The following GRIN2B variants were observed in gnomAD, a reference collection of about 807,000 sequenced individuals.
GRIN2B encodes the protein glutamate receptor ionotropic, NMDA 2B.
A neutral mutation model predicts 114.5 loss-of-function variants in GRIN2B; 5 were observed. The ratio of observed to expected loss-of-function variants is 0.04; its 90% CI spans 0.02 to 0.09. The LOEUF is 0.09. GRIN2B is among the 10% of genes least tolerant of loss of function. The probability of loss-of-function intolerance (pLI) is 1.00; values close to 1 mark genes in which losing one functional copy is unlikely to be tolerated. For missense variants in GRIN2B, 1,108 were observed against 1,943.5 expected (o/e 0.57, Z 8.08); for synonymous variants, 787 against 745.1 (o/e 1.06, Z -0.92).
At chr12:13,627,869 T>C (rs1347994438) in intron 5 of GRIN2B, among the ~76,000 whole-genome samples, 3 of 152,234 alleles carry the variant, frequency 2.0e-5, no homozygotes, top group African/African-American at 7.2e-5. Flanking sequence ...GTCATTTGCA[T>C]GCCTTCCGTC....
intron 3 of GRIN2B, among the ~76,000 whole-genome samples, chr12:13,786,021 T>A (rs761704508): frequency 2.5e-4 from 38 of 152,186 alleles, no homozygotes; most frequent in Non-Finnish European, 4.7e-4. Flanking sequence ...CAGTACTACA[T>A]CATGAATCAA....
intron 2 of GRIN2B, among the ~76,000 whole-genome samples, chr12:13,934,320 G>C (rs537314910): frequency 6.6e-6 from 1 of 152,148 alleles, no homozygotes; most frequent in Admixed American, 6.5e-5. Flanking sequence ...GCATGCCATT[G>C]ACTCTTGTCC....
chr12:13,788,002 A>C (rs1208678219), intron 3 of GRIN2B, among the ~76,000 whole-genome samples: 2 of 152,222 alleles, frequency 1.3e-5, no homozygotes, highest in African/African-American at 4.8e-5. Flanking sequence ...TCTGGGGCAT[A>C]AGCCAATGGA....
intron 4 of GRIN2B, among the ~76,000 whole-genome samples, chr12:13,725,086 T>C (rs1862957546): frequency 1.3e-5 from 2 of 152,140 alleles, no homozygotes; most frequent in Admixed American, 6.6e-5. Context: ...TTGTGCTCTG[T>C]GCCTACCAAA....
intron 5 of GRIN2B, among the ~76,000 whole-genome samples, chr12:13,618,503 C>T (rs377085379): frequency 1.3e-5 from 2 of 152,088 alleles, no homozygotes; most frequent in Non-Finnish European, 2.9e-5. Context: ...TATAGCCCAG[C>T]GGCCCATTCT....
At chr12:13,576,817 T>C (rs1481637256) in intron 10 of GRIN2B, among the ~76,000 whole-genome samples, 6 of 152,162 alleles carry the variant, frequency 3.9e-5, no homozygotes, top group Non-Finnish European at 8.8e-5. Context: ...CCTCCCAAGG[T>C]GCTAGGGTTA....
At chr12:13,741,489 GA>G (rs1267793293) in intron 4 of GRIN2B, among the ~76,000 whole-genome samples, 4 of 152,214 alleles carry the variant, frequency 2.6e-5, no homozygotes, top group Non-Finnish European at 5.9e-5. Context: ...ATTTGAGTTT[GA>G]AACACAAAGT....
intron 2 of GRIN2B, among the ~76,000 whole-genome samples, chr12:13,898,025 T>TAAAA (rs1187166388): frequency 1.1e-3 from 158 of 148,916 alleles, no homozygotes; most frequent in Middle Eastern, 3.5e-3. Flanking sequence ...AATAAATAAA[T>TAAAA]AAAAAAGAAA....
At chr12:13,891,684 G>T (rs946392059) in intron 2 of GRIN2B, among the ~76,000 whole-genome samples, 1 of 152,080 alleles carries the variant, frequency 6.6e-6, no homozygotes, top group Non-Finnish European at 1.5e-5. Flanking sequence ...CTGGCAAAAG[G>T]TGTCAGACTG....
chr12:13,946,368 T>A (rs1007946804), intron 2 of GRIN2B, among the ~76,000 whole-genome samples: 8 of 152,164 alleles, frequency 5.3e-5, no homozygotes, highest in Admixed American at 5.2e-4. Context: ...CCATCCATTT[T>A]TAAAATGTAA....
At chr12:13,644,442 T>C (rs964744962) in intron 5 of GRIN2B, among the ~76,000 whole-genome samples, 10 of 152,100 alleles carry the variant, frequency 6.6e-5, no homozygotes, top group Non-Finnish European at 1.2e-4. Context: ...TGATAGAGCA[T>C]GGATAGAGTA....
At chr12:13,830,200 G>A (rs1865121433) in intron 3 of GRIN2B, among the ~76,000 whole-genome samples, 1 of 152,154 alleles carries the variant, frequency 6.6e-6, no homozygotes, top group Admixed American at 6.5e-5. Context: ...CAAAAGCAGG[G>A]CACAGTTAGT....
chr12:13,680,219 G>A (rs969130427), intron 4 of GRIN2B, among the ~76,000 whole-genome samples: 4 of 152,062 alleles, frequency 2.6e-5, no homozygotes, highest in Non-Finnish European at 5.9e-5. Flanking sequence ...GGATCTGGCT[G>A]TACTTTGTCG....
intron 3 of GRIN2B, among the ~76,000 whole-genome samples, chr12:13,790,171 A>G (rs1478859369): frequency 6.6e-6 from 1 of 152,184 alleles, no homozygotes; most frequent in Non-Finnish European, 1.5e-5. Context: ...TCCATCACAG[A>G]CGCAGCCCCT....
intron 2 of GRIN2B, among the ~76,000 whole-genome samples, chr12:13,866,528 C>T (rs967420807): frequency 2.0e-5 from 3 of 152,160 alleles, no homozygotes; most frequent in Non-Finnish European, 4.4e-5. Flanking sequence ...GGTAGCCATG[C>T]GAGTATGCAT....
intron 4 of GRIN2B, among the ~76,000 whole-genome samples, chr12:13,747,530 C>T (rs1203473106): frequency 1.3e-5 from 2 of 152,112 alleles, no homozygotes; most frequent in African/African-American, 4.8e-5. Context: ...TCATTCCCTC[C>T]CTCTATATAC....
rs59671145 is a variant in GRIN2B, at chr12:13,939,543, C to CTTTTTTTTTT, written c.-19+40375_-19+40384dup. 5.7e-5 allele frequency among the ~76,000 whole-genome samples: 5 copies of CTTTTTTTTTT among 88,042 alleles called. 1 individual carries two copies. The highest frequency in any genetic ancestry group is 5.3e-4 in the South Asian group (1 of 1,874). The allele number at this position is 88,042 out of a possible 152,430, so 57.8% of individuals were successfully genotyped here. A position where few individuals can be genotyped will look rare whatever the true frequency, so the allele number is the denominator to read the frequency against. ...CAGAAAGACAGATGCCTGCACCGTGCTTTTTTTTTTTTTTTTTTTTTTCCT... is the reference window on the plus strand; with the variant it reads ...CAGAAAGACAGATGCCTGCACCGTGCTTTTTTTTTTTTTTTTTTTTTTTTTTTTTTTTCCT... On this transcript the variant is annotated intron_variant, in intron 2 of 13. Transcript: ENST00000609686.
At chr12:13,974,395 C>T (rs1014414795) in intron 2 of GRIN2B, among the ~76,000 whole-genome samples, 10 of 152,192 alleles carry the variant, frequency 6.6e-5, no homozygotes, top group Non-Finnish European at 1.0e-4. Context: ...TCTTTTAAGA[C>T]GACCCTGGCT....
intron 2 of GRIN2B, chr12:13,977,460 C>G (rs1863044428): frequency 6.6e-6 from 1 of 152,248 alleles, no homozygotes; most frequent in African/African-American, 2.4e-5. Flanking sequence ...AATCACCCAC[C>G]TAATGTCCTT....
Sources: allele counts gnomAD v4.1 joint callset (sites outside exome capture counted in the v4.1 genomes callset), GRCh38; gene constraint gnomAD v4.1.1; transcripts MANE v1.5; gene names NCBI Gene and HGNC (gene_info 2026-07-23, HGNC 2026-07-21).